DGKB: variants seen among roughly 807,000 people sequenced by gnomAD.
DGKB encodes the protein 90 kDa diacylglycerol kinase.
Under a neutral mutation model 114.3 loss-of-function variants are expected in DGKB, and 67 were observed. That is an observed-to-expected ratio of 0.59 (90% CI 0.48 to 0.72). The LOEUF is 0.72. DGKB is among the 30% of genes least tolerant of loss of function. The probability of loss-of-function intolerance (pLI) is 0.00; values close to 1 mark genes in which losing one functional copy is unlikely to be tolerated. For missense variants in DGKB, 907 were observed against 975.2 expected (o/e 0.93, Z 0.93); for synonymous variants, 398 against 323.1 (o/e 1.23, Z -2.49).
In DGKB at chr7:14,149,193, G is replaced by A; in HGVS notation, c.2350C>T (p.Pro784Ser). ...GAGCAGAATAAACCGGTTTTTGGAG[G>A]CGGGCCCATCAGCATTGGGGCTTGG... is the stretch of plus-strand genomic sequence containing the variant. Reference protein sequence around the residue: ...KNQAPMLMGPPPKTGLFCSLV... With the variant: ...KNQAPMLMGPSPKTGLFCSLV... The change falls in exon 26 of 26, where the codon CCT (proline) becomes TCT (serine). Residue 784 changes from proline (P) to serine (S), a missense_variant. Around this residue, in one of 3 missense-constraint regions of DGKB, gnomAD observed 58 missense variants for 52.5 expected, o/e 1.10. Coordinates refer to ENST00000402815, the MANE Select transcript of DGKB (RefSeq NM_001350709.2). 6.2e-7 allele frequency: 1 copy of A among 1,613,466 alleles called. No homozygotes were observed.
intron 21 of DGKB, among the ~76,000 whole-genome samples, chr7:14,477,958 A>G (rs1270530010): frequency 6.6e-6 from 1 of 152,012 alleles, no homozygotes; most frequent in East Asian, 1.9e-4. Flanking sequence ...GACCCATTGC[A>G]TTCCTCATTA....
intron 24 of DGKB, among the ~76,000 whole-genome samples, chr7:14,177,590 A>T (rs1016472939): frequency 6.6e-6 from 1 of 150,894 alleles, no homozygotes; most frequent in South Asian, 2.1e-4. Flanking sequence ...ATTGGGGGGA[A>T]ATTTTGGGCA....
At chr7:14,265,102 A>T (rs1181725907) in intron 23 of DGKB, among the ~76,000 whole-genome samples, 2 of 151,398 alleles carry the variant, frequency 1.3e-5, no homozygotes, top group African/African-American at 2.4e-5. Context: ...AAATTTATGC[A>T]ACAGCATCTT....
At chr7:14,740,123 T>G (rs1832362157) in intron 4 of DGKB, among the ~76,000 whole-genome samples, 1 of 152,218 alleles carries the variant, frequency 6.6e-6, no homozygotes, top group African/African-American at 2.4e-5. Context: ...CCATACAGTC[T>G]TCCCCTCCCT....
At chr7:14,493,002 A>C (rs1341905979) in intron 20 of DGKB, among the ~76,000 whole-genome samples, 1 of 152,076 alleles carries the variant, frequency 6.6e-6, no homozygotes, top group African/African-American at 2.4e-5. Flanking sequence ...TTGAATGCTT[A>C]ATCTATGCAA....
intron 1 of DGKB, among the ~76,000 whole-genome samples, chr7:14,852,646 C>A (rs868266268): frequency 6.6e-6 from 1 of 151,770 alleles, no homozygotes; most frequent in African/African-American, 2.4e-5. Context: ...TGAGCCCAAA[C>A]GAAGAGGAGA....
At chr7:14,391,937 G>A (rs932912767) in intron 21 of DGKB, among the ~76,000 whole-genome samples, 1 of 152,088 alleles carries the variant, frequency 6.6e-6, no homozygotes, top group African/African-American at 2.4e-5. Context: ...GCAAAATTGA[G>A]TTGATTTTTC....
chr7:14,573,467 CTGTG>C (rs4027158), intron 20 of DGKB, among the ~76,000 whole-genome samples: 19,293 of 145,336 alleles, frequency 0.13, 1,196 homozygotes, highest in African/African-American at 0.16. Context: ...TAATCTATCT[CTGTG>C]TGTGTGTGTG....
At chr7:14,776,092 T>C (rs1473536899) in intron 2 of DGKB, among the ~76,000 whole-genome samples, 2 of 152,068 alleles carry the variant, frequency 1.3e-5, no homozygotes, top group Non-Finnish European at 2.9e-5. Flanking sequence ...GAGCAAAGAT[T>C]ACTCTTGCTA....
chr7:14,729,294 T>G (rs1260244560), intron 5 of DGKB, among the ~76,000 whole-genome samples: 5 of 132,242 alleles, frequency 3.8e-5, no homozygotes, highest in African/African-American at 1.0e-4. Flanking sequence ...GGCTAATTTT[T>G]TGTATTTTTA....
chr7:14,549,971 G>C (rs1451248822), intron 20 of DGKB, among the ~76,000 whole-genome samples: 1 of 151,378 alleles, frequency 6.6e-6, no homozygotes, highest in East Asian at 1.9e-4. Flanking sequence ...CCTGCTGACA[G>C]AGCTAGACTG....
In DGKB at chr7:14,648,611, G is replaced by T. The variant is rs527986607; in HGVS notation, c.1135-18343C>A. Among the ~76,000 whole-genome samples, 1,213 of 152,272 alleles carry T rather than the reference G, an allele frequency of 8.0e-3. 13 individuals carry two copies. Among genetic ancestry groups the T allele is most frequent in the African/African-American group, 0.027 (1,121 of 41,542 alleles). On this transcript the variant is annotated intron_variant, in intron 13 of 25. Transcript: ENST00000402815. ...GCCTCTCCTCCTCCAAAGGAATGCAGTTCCTCACCAGCAACGGAACAAAGC... is the reference window on the plus strand; with the variant it reads ...GCCTCTCCTCCTCCAAAGGAATGCATTTCCTCACCAGCAACGGAACAAAGC...
chr7:14,484,508 C>T (rs1017315767), intron 20 of DGKB, among the ~76,000 whole-genome samples: 7 of 152,134 alleles, frequency 4.6e-5, no homozygotes, highest in Admixed American at 1.3e-4. Flanking sequence ...CATCTCCCCC[C>T]ACCTCTTGCT....
chr7:14,741,169 C>T (rs1421979048), intron 4 of DGKB, among the ~76,000 whole-genome samples: 2 of 152,140 alleles, frequency 1.3e-5, no homozygotes, highest in Non-Finnish European at 2.9e-5. Flanking sequence ...GTTTATTTCT[C>T]AACCCTTAAA....
intron 1 of DGKB, among the ~76,000 whole-genome samples, chr7:14,869,164 G>A (rs1852102938): frequency 6.6e-6 from 1 of 151,834 alleles, no homozygotes. Flanking sequence ...CTTGCCAAAG[G>A]GAATATTACA....
At chr7:14,893,558 A>G (rs1254829277) in intron 1 of DGKB, among the ~76,000 whole-genome samples, 1 of 151,262 alleles carries the variant, frequency 6.6e-6, no homozygotes, top group East Asian at 1.9e-4. Flanking sequence ...TTCATTCCCC[A>G]TCTATGCCAC....
At chr7:14,881,272 G>A (rs999699204) in intron 1 of DGKB, among the ~76,000 whole-genome samples, 1 of 152,104 alleles carries the variant, frequency 6.6e-6, no homozygotes, top group Non-Finnish European at 1.5e-5. Context: ...TTGGCCATTA[G>A]AGTCACCTCT....
At chr7:14,235,330 T>C (rs908460401) in intron 23 of DGKB, among the ~76,000 whole-genome samples, 6 of 152,092 alleles carry the variant, frequency 3.9e-5, no homozygotes, top group Admixed American at 2.6e-4. Flanking sequence ...GAATGGTCTC[T>C]CTACAGTTTT....
chr7:14,402,406 T>A (rs184749814), intron 21 of DGKB, among the ~76,000 whole-genome samples: 2 of 151,986 alleles, frequency 1.3e-5, no homozygotes, highest in East Asian at 1.9e-4. Context: ...CTTTTGCTTT[T>A]TTTTCCTTAT....
Sources: allele counts gnomAD v4.1 joint callset (sites outside exome capture counted in the v4.1 genomes callset), GRCh38; gene constraint gnomAD v4.1.1; regional missense constraint gnomAD v4.1.1; transcripts MANE v1.5; gene names NCBI Gene and HGNC (gene_info 2026-07-23, HGNC 2026-07-21).